Variants in RUNX2 observed in about 807,000 individuals in gnomAD.
RUNX2 encodes the protein runt-related transcription factor 2.
A neutral mutation model predicts 51.7 loss-of-function variants in RUNX2; 10 were observed. The ratio of observed to expected loss-of-function variants is 0.19; its 90% CI spans 0.12 to 0.33. The LOEUF (loss-of-function observed/expected upper bound fraction) is 0.33, where lower values mean the gene tolerates loss of function less well. Ranked by LOEUF, RUNX2 falls within the 10% of genes least tolerant of loss-of-function variation. The pLI is 1.00. For synonymous variants in RUNX2, 276 were observed against 273.6 expected, an observed-to-expected ratio of 1.01 and a Z score of -0.09; for missense variants, 562 against 691.3, an observed-to-expected ratio of 0.81 and a Z score of 2.10.
chr6:45,345,171 C>A (rs1790592487), intron 2 of RUNX2, among the ~76,000 whole-genome samples: 1 of 152,108 alleles, frequency 6.6e-6, no homozygotes, highest in Non-Finnish European at 1.5e-5. Flanking sequence ...AAATCTTTGA[C>A]ACTTTATAAA....
chr6:45,431,894 C>T lies in RUNX2; in HGVS notation c.455C>T (p.Thr152Ile), dbSNP rs373029816. 1.9e-6 allele frequency: 3 copies of T among 1,614,004 alleles called. No individual in the cohort carries two copies. In the African/African-American group the frequency reaches 4.0e-5, roughly 22 times the overall value. Residue 152 changes from threonine to isoleucine, a missense_variant, in exon 4 of 9, where the codon ACT becomes ATT. Thr to Ile is a moderately conservative substitution (Grantham distance 89). Around this residue, in one of 5 missense-constraint regions of RUNX2, gnomAD observed 67 missense variants for 106.5 expected, o/e 0.63. Transcript: ENST00000647337. ...VVALGEVPDG[T>I]VVTVMAGNDE... Reference sequence around the variant, plus strand: ...GCCCTCGGAGAGGTACCAGATGGGACTGTGGTTACTGTCATGGCGGGTAAC... The same window carrying T: ...GCCCTCGGAGAGGTACCAGATGGGATTGTGGTTACTGTCATGGCGGGTAAC...
chr6:45,533,135 GGTGT>G (rs56014189), intron 7 of RUNX2, among the ~76,000 whole-genome samples: 21 of 149,398 alleles, frequency 1.4e-4, no homozygotes, highest in South Asian at 2.1e-4. Context: ...CCTCTGAAGG[GGTGT>G]GTGTGTGTGT....
chr6:45,522,546 A>G (rs1054801081), intron 7 of RUNX2, among the ~76,000 whole-genome samples: 1 of 152,164 alleles, frequency 6.6e-6, no homozygotes, highest in African/African-American at 2.4e-5. Context: ...GTGTGGCTTC[A>G]TGTTTCTTAA....
chr6:45,481,736 C>G (rs777406584), intron 5 of RUNX2, among the ~76,000 whole-genome samples: 51 of 152,310 alleles, frequency 3.3e-4, no homozygotes, highest in Non-Finnish European at 4.1e-4. Context: ...ACGTTTTCTT[C>G]TTTCCCTCAG....
At chr6:45,436,279 T>A (rs1043706876) in intron 4 of RUNX2, among the ~76,000 whole-genome samples, 1 of 152,028 alleles carries the variant, frequency 6.6e-6, no homozygotes, top group Non-Finnish European at 1.5e-5. Flanking sequence ...CTTAAGGAAG[T>A]GGCCAAGTGA....
At chr6:45,334,337 A>G (rs1788108422) in intron 2 of RUNX2, among the ~76,000 whole-genome samples, 1 of 150,880 alleles carries the variant, frequency 6.6e-6, no homozygotes, top group Non-Finnish European at 1.5e-5. Context: ...AAACTCAAGA[A>G]CTTAAATACA....
At chr6:45,467,983 G>A (rs1388377047) in intron 5 of RUNX2, among the ~76,000 whole-genome samples, 2 of 152,000 alleles carry the variant, frequency 1.3e-5, no homozygotes, top group East Asian at 1.9e-4. Flanking sequence ...AGTTTTCCTC[G>A]ATCTCAGCTT....
chr6:45,435,061 A>G (rs915103293), intron 4 of RUNX2, among the ~76,000 whole-genome samples: 1 of 152,198 alleles, frequency 6.6e-6, no homozygotes, highest in African/African-American at 2.4e-5. Context: ...TGTTAATTAC[A>G]TCTTGATCCT....
chr6:45,355,164 G>A (rs1392099119), intron 2 of RUNX2, among the ~76,000 whole-genome samples: 2 of 148,810 alleles, frequency 1.3e-5, no homozygotes, highest in Non-Finnish European at 3.0e-5. Flanking sequence ...TAGAGATGGG[G>A]TACCACAGAC....
intron 5 of RUNX2, among the ~76,000 whole-genome samples, chr6:45,488,509 CATGAG>C (rs1294957582): frequency 6.6e-6 from 1 of 152,132 alleles, no homozygotes; most frequent in Non-Finnish European, 1.5e-5. Flanking sequence ...GTATTTAGTG[CATGAG>C]ACTGAGATCA....
intron 2 of RUNX2, among the ~76,000 whole-genome samples, chr6:45,336,140 AAC>A (rs972044603): frequency 4.6e-5 from 7 of 151,492 alleles, no homozygotes; most frequent in African/African-American, 1.7e-4. Context: ...TTCAAAACCA[AAC>A]ACATATACAT....
At chr6:45,330,138 T>C (rs2150074329) in intron 2 of RUNX2, among the ~76,000 whole-genome samples, 1 of 152,024 alleles carries the variant, frequency 6.6e-6, no homozygotes, top group East Asian at 1.9e-4. Flanking sequence ...GTAAAATTGC[T>C]TTAGTGACTC....
intron 7 of RUNX2, chr6:45,513,801 T>C (rs1429498577): frequency 6.6e-6 from 1 of 152,254 alleles, no homozygotes; most frequent in Non-Finnish European, 1.5e-5. Flanking sequence ...ATTTTAGTTA[T>C]CATTTCCCTT....
At chr6:45,357,062 A>G (rs1419787031) in intron 2 of RUNX2, among the ~76,000 whole-genome samples, 1 of 152,152 alleles carries the variant, frequency 6.6e-6, no homozygotes, top group Non-Finnish European at 1.5e-5. Context: ...GCTGGAGTGC[A>G]GTGGCACGAT....
chr6:45,370,477 T>C (rs1002535604), intron 2 of RUNX2, among the ~76,000 whole-genome samples: 12 of 152,094 alleles, frequency 7.9e-5, no homozygotes, highest in African/African-American at 2.4e-4. Context: ...TGCAGAAGCT[T>C]TGTGAGAGAT....
intron 6 of RUNX2, among the ~76,000 whole-genome samples, chr6:45,506,495 G>T (rs533546813): frequency 8.5e-5 from 13 of 152,048 alleles, no homozygotes; most frequent in African/African-American, 2.9e-4. Context: ...ACACCAGAGG[G>T]TTGTTCATAT....
chr6:45,365,394 G>C (rs763800375), intron 2 of RUNX2: 13 of 793,720 alleles, frequency 1.6e-5, no homozygotes, highest in African/African-American at 5.3e-5. Context: ...ACTTCAAAAA[G>C]TAGAGAAAAT....
At chr6:45,478,385 T>A (rs1281228159) in intron 5 of RUNX2, among the ~76,000 whole-genome samples, 1 of 152,246 alleles carries the variant, frequency 6.6e-6, no homozygotes, top group Non-Finnish European at 1.5e-5. Flanking sequence ...CCTGACGACA[T>A]CCCTGTGTTG....
At chr6:45,499,465 T>G (rs2150412008) in intron 6 of RUNX2, among the ~76,000 whole-genome samples, 1 of 152,336 alleles carries the variant, frequency 6.6e-6, no homozygotes, top group African/African-American at 2.4e-5. Flanking sequence ...CTTTAAAGAA[T>G]GAAGCTTCCT....
Sources: gnomAD v4.1 joint callset for allele counts (sites outside exome capture counted in the v4.1 genomes callset) on GRCh38, gnomAD v4.1.1 for gene constraint, gnomAD v4.1.1 regional missense constraint, MANE v1.5 for transcripts, NCBI Gene and HGNC (gene_info 2026-07-23, HGNC 2026-07-21) for gene names.